BMP2K: variants seen among roughly 807,000 people sequenced by gnomAD.
The protein encoded by BMP2K is BMP-2-inducible protein kinase.
Under a neutral mutation model 116.0 loss-of-function variants are expected in BMP2K, and 74 were observed. The observed-to-expected ratio is 0.64, with a 90% CI of 0.53 to 0.77. BMP2K has a LOEUF of 0.77. Among genes scored for constraint, BMP2K ranks in the 30% least tolerant of loss-of-function variants. The probability of loss-of-function intolerance (pLI) is 0.00; values close to 1 mark genes in which losing one functional copy is unlikely to be tolerated. For synonymous variants in BMP2K, 486 were observed against 502.5 expected, an observed-to-expected ratio of 0.97 and a Z score of 0.44; for missense variants, 1,365 against 1,403.6, an observed-to-expected ratio of 0.97 and a Z score of 0.44.
chr4:78,795,646 A>G (rs1462252309), intron 1 of BMP2K, among the ~76,000 whole-genome samples: 1 of 152,160 alleles, frequency 6.6e-6, no homozygotes, highest in Non-Finnish European at 1.5e-5. Context: ...TCATCTGACA[A>G]AGGGCTAATA....
intron 1 of BMP2K, among the ~76,000 whole-genome samples, chr4:78,805,401 A>G (rs1252258727): frequency 6.6e-6 from 1 of 151,910 alleles, no homozygotes; most frequent in East Asian, 1.9e-4. Flanking sequence ...GGTCCTTTGA[A>G]TTTTCATATG....
At chr4:78,777,627 T>TAA (rs1401003568) in intron 1 of BMP2K, among the ~76,000 whole-genome samples, 2 of 152,214 alleles carry the variant, frequency 1.3e-5, no homozygotes, top group African/African-American at 4.8e-5. Context: ...TACTACAAAA[T>TAA]AAACACTTTA....
Position 78,915,967 on chromosome 4 carries a change from T to C in BMP2K, c.*3934T>C, listed in dbSNP as rs1433212699. The C allele has an allele frequency of 1.3e-5, 2 of 151,984 alleles. No individual in the cohort carries two copies. The highest frequency in any genetic ancestry group is 2.9e-5 in the Non-Finnish European group (2 of 67,886). 9.4% of individuals were successfully genotyped at this position (151,984 alleles called of 1,614,324 possible). ...TGCACTTTCTTTGATTACACTTCCA[T>C]TTTTTGTTAAACTTGAATTTTCTGA... On this transcript the variant is annotated 3_prime_UTR_variant, in exon 16 of 16. Coordinates refer to ENST00000502613, the MANE Select transcript of BMP2K (RefSeq NM_198892.2).
chr4:78,908,875 C>T (rs534919864), intron 15 of BMP2K, among the ~76,000 whole-genome samples: 8 of 151,996 alleles, frequency 5.3e-5, no homozygotes, highest in South Asian at 2.1e-4. Context: ...GTTTCTATCA[C>T]GCCACTCATT....
Position 78,829,753 on chromosome 4 carries a change from A to ATCTTTTCTTT in BMP2K, c.297+3627_297+3636dup, listed in dbSNP as rs775196460. Among the ~76,000 whole-genome samples, 369 of 121,924 alleles carry ATCTTTTCTTT rather than the reference A, an allele frequency of 3.0e-3. 7 individuals are homozygous for ATCTTTTCTTT. Among genetic ancestry groups the ATCTTTTCTTT allele is most frequent in the East Asian group, 0.011 (45 of 4,182 alleles). The allele number at this position is 121,924 out of a possible 152,430, so 80.0% of individuals were successfully genotyped here. A position where few individuals can be genotyped will look rare whatever the true frequency, so the allele number is the denominator to read the frequency against. ...TGTTGTGTTAGCAGGCATGGAAACAATCTTTTCTTTTCTTTTCTTTTCTTT... is the reference window on the plus strand; with the variant it reads ...TGTTGTGTTAGCAGGCATGGAAACAATCTTTTCTTTTCTTTTCTTTTCTTTTCTTTTCTTT... On this transcript the variant is annotated intron_variant, in intron 2 of 15. Coordinates refer to ENST00000502613, the MANE Select transcript of BMP2K (RefSeq NM_198892.2).
intron 15 of BMP2K, among the ~76,000 whole-genome samples, chr4:78,890,071 T>A (rs1007171423): frequency 2.0e-5 from 3 of 152,156 alleles, no homozygotes; most frequent in Non-Finnish European, 4.4e-5. Flanking sequence ...GTATATACTT[T>A]TTTCTGCAGT....
rs777127820 is a variant in BMP2K, at chr4:78,847,210, G to T, written c.691G>T (p.Ala231Ser). Residue 231 changes from alanine (A) to serine (S), a missense_variant, in exon 6 of 16, where the codon GCC becomes TCC. Ala to Ser is a moderately conservative substitution (Grantham distance 99). Coordinates refer to ENST00000502613, the MANE Select transcript of BMP2K (RefSeq NM_198892.2). ...IKKYTTLSYR[A>S]PEMINLYGGK... Reference sequence around the variant, plus strand: ...CAGGTATACAACTCTGTCATACAGAGCCCCTGAAATGATCAACCTTTATGG... The same window carrying T: ...CAGGTATACAACTCTGTCATACAGATCCCCTGAAATGATCAACCTTTATGG... 21 of 1,582,700 alleles carry T rather than the reference G, an allele frequency of 1.3e-5. No individual in the cohort carries two copies. The highest frequency in any genetic ancestry group is 1.7e-6 in the Non-Finnish European group (2 of 1,163,014).
intron 10 of BMP2K, 88 bp from the exon 11 acceptor site, chr4:78,870,695 A>C: frequency 6.7e-7 from 1 of 1,486,326 alleles, no homozygotes; most frequent in Non-Finnish European, 9.0e-7. Context: ...TGCCTTAGTT[A>C]AATTATTATT....
chr4:78,849,323 T>C (rs1252395403), intron 6 of BMP2K, among the ~76,000 whole-genome samples: 1 of 151,514 alleles, frequency 6.6e-6, no homozygotes, highest in East Asian at 1.9e-4. Context: ...TTGAGATTGA[T>C]AAAAAGGGAA....
At chr4:78,834,242 A>C (rs1730347827) in intron 3 of BMP2K, among the ~76,000 whole-genome samples, 1 of 151,766 alleles carries the variant, frequency 6.6e-6, no homozygotes, top group Non-Finnish European at 1.5e-5. Context: ...TCATCATCAT[A>C]AAAAAATTCC....
chr4:78,860,442 T>A (rs1409267605), intron 8 of BMP2K, among the ~76,000 whole-genome samples: 1 of 151,964 alleles, frequency 6.6e-6, no homozygotes, highest in African/African-American at 2.4e-5. Flanking sequence ...AATGTCCATT[T>A]CTTTTTCTGT....
chr4:78,799,024 C>T (rs1190477501), intron 1 of BMP2K, among the ~76,000 whole-genome samples: 1 of 152,156 alleles, frequency 6.6e-6, no homozygotes, highest in Non-Finnish European at 1.5e-5. Flanking sequence ...TTCTAATTGT[C>T]TAGAGAACTT....
intron 12 of BMP2K, chr4:78,872,326 TTTTA>T (rs1259490027): frequency 4.0e-4 from 82 of 203,038 alleles, no homozygotes; most frequent in African/African-American, 2.2e-3. Context: ...TTTTTTTTTT[TTTTA>T]ACAGCAACCA....
intron 1 of BMP2K, among the ~76,000 whole-genome samples, chr4:78,791,522 ATTG>A (rs979383229): frequency 4.6e-5 from 7 of 152,098 alleles, no homozygotes; most frequent in South Asian, 2.1e-4. Context: ...GTACATTCAA[ATTG>A]TTGTGCATTC....
intron 13 of BMP2K, among the ~76,000 whole-genome samples, chr4:78,874,175 T>TCACACACACA (rs148882911): frequency 1.3e-5 from 2 of 148,408 alleles, no homozygotes; most frequent in East Asian, 2.0e-4. Context: ...AGACTCCATC[T>TCACACACACA]CACACACACA....
Position 78,910,905 on chromosome 4 carries a change from TCTC to T in BMP2K, c.2362_2364del (p.Leu788del), listed in dbSNP as rs771422329. The T allele has an allele frequency of 9.3e-6, 15 of 1,613,804 alleles. No individual in the cohort carries two copies. The highest frequency in any genetic ancestry group is 1.6e-4 in the Middle Eastern group (1 of 6,082). ...AACCAGAAAATCTGGGTCATAGGCC[TCTC>T]CTCATGGATTCTGAAGATGAGGAAG... is the stretch of plus-strand genomic sequence containing the variant. On this transcript the variant is annotated inframe_deletion, in exon 16 of 16. Transcript: ENST00000502613.
intron 15 of BMP2K, among the ~76,000 whole-genome samples, chr4:78,890,688 T>C (rs1733386417): frequency 6.6e-6 from 1 of 152,206 alleles, no homozygotes; most frequent in Admixed American, 6.5e-5. Flanking sequence ...CAGTTTAAGG[T>C]GGCTATCATT....
Position 78,872,683 on chromosome 4 carries a change from G to A in BMP2K, c.1678G>A (p.Ala560Thr), listed in dbSNP as rs1444703494. The A allele has an allele frequency of 4.3e-6, 7 of 1,613,948 alleles. No individual in the cohort carries two copies. Among genetic ancestry groups the A allele is most frequent in the African/African-American group, 4.0e-5 (3 of 74,894 alleles). ...LAQHQPSQQQASPEYLTSPQE... is the reference protein window; with the variant it reads ...LAQHQPSQQQTSPEYLTSPQE... ...TCAACATCAGCCGTCTCAACAACAGGCATCACCTGAATATCTTACCTCCCC... is the reference window on the plus strand; with the variant it reads ...TCAACATCAGCCGTCTCAACAACAGACATCACCTGAATATCTTACCTCCCC... The change falls in exon 13 of 16, where the codon GCA (alanine) becomes ACA (threonine). Residue 560 changes from alanine to threonine, a missense_variant. Coordinates refer to ENST00000502613, the MANE Select transcript of BMP2K (RefSeq NM_198892.2).
At chr4:78,813,461 C>T (rs1729183586) in intron 1 of BMP2K, among the ~76,000 whole-genome samples, 1 of 152,152 alleles carries the variant, frequency 6.6e-6, no homozygotes, top group Admixed American at 6.5e-5. Flanking sequence ...AGTGACATTA[C>T]CCTCATCCGT....
Sources: allele counts gnomAD v4.1 joint callset (sites outside exome capture counted in the v4.1 genomes callset), GRCh38; gene constraint gnomAD v4.1.1; transcripts MANE v1.5; gene names NCBI Gene and HGNC (gene_info 2026-07-23, HGNC 2026-07-21).